PTPRN2: variants seen among roughly 807,000 people sequenced by gnomAD.
PTPRN2 encodes protein tyrosine phosphatase receptor type N2.
In PTPRN2, 74 loss-of-function variants were observed where a neutral mutation model predicts 118.8. That is an observed-to-expected ratio of 0.62 (90% CI 0.52 to 0.76). The LOEUF is 0.76. PTPRN2 is among the 30% of genes least tolerant of loss of function. The pLI, the probability that PTPRN2 is intolerant of heterozygous loss-of-function variation, is 0.00. For missense variants in PTPRN2, 1,481 were observed against 1,394.4 expected (o/e 1.06, Z -0.99); for synonymous variants, 641 against 608.0 (o/e 1.05, Z -0.80).
At chr7:157,613,340 C>T (rs758403503) in intron 15 of PTPRN2, among the ~76,000 whole-genome samples, 35 of 152,360 alleles carry the variant, frequency 2.3e-4, no homozygotes, top group Middle Eastern at 3.4e-3. Context: ...CCAACAGTTC[C>T]GGTCTCTTCC....
At position 158,330,957 on chromosome 7, in the gene PTPRN2, C is replaced by CGT. The variant is rs1563150755; in HGVS notation, c.164-14026_164-14025insAC. Among the ~76,000 whole-genome samples the CGT allele has an allele frequency of 5.6e-4, 58 of 103,784 alleles. 5 individuals are homozygous for CGT. Among genetic ancestry groups the CGT allele is most frequent in the African/African-American group, 2.2e-3 (57 of 26,482 alleles). The allele number at this position is 103,784 out of a possible 152,430, so 68.1% of individuals were successfully genotyped here. A position where few individuals can be genotyped will look rare whatever the true frequency, so the allele number is the denominator to read the frequency against. Reference sequence around the variant, plus strand: ...CACTCTCACGATAAGAGCTGTCACACGCAGACGACACTCACACCCACACTC... The same window carrying CGT: ...CACTCTCACGATAAGAGCTGTCACACGTGCAGACGACACTCACACCCACACTC... On this transcript the variant is annotated intron_variant, in intron 2 of 22. Transcript: ENST00000389418.
chr7:158,327,332 C>T (rs1039969064), intron 2 of PTPRN2, among the ~76,000 whole-genome samples: 3 of 151,256 alleles, frequency 2.0e-5, no homozygotes, highest in Admixed American at 6.6e-5. Context: ...CATGCACACA[C>T]GTGCTCACAC....
chr7:158,179,496 G>C (rs145383692), intron 5 of PTPRN2, among the ~76,000 whole-genome samples: 38 of 152,126 alleles, frequency 2.5e-4, no homozygotes, highest in African/African-American at 8.0e-4. Flanking sequence ...AGTTTAATTA[G>C]GTCCAATTTA....
At chr7:157,744,265 C>T (rs1800795338) in intron 12 of PTPRN2, among the ~76,000 whole-genome samples, 1 of 152,154 alleles carries the variant, frequency 6.6e-6, no homozygotes, top group South Asian at 2.1e-4. Flanking sequence ...CAGCTGGCCT[C>T]AACGGGGTGA....
chr7:157,916,872 C>T (rs1204050330), intron 11 of PTPRN2, among the ~76,000 whole-genome samples: 2 of 123,108 alleles, frequency 1.6e-5, no homozygotes, highest in East Asian at 5.0e-4. Flanking sequence ...ACACACATCT[C>T]CCTCCCCAGC....
intron 3 of PTPRN2, among the ~76,000 whole-genome samples, chr7:158,222,198 C>T (rs1018840636): frequency 6.6e-6 from 1 of 152,120 alleles, no homozygotes; most frequent in African/African-American, 2.4e-5. Context: ...ACAGAACTAC[C>T]ATTCGACCCA....
At chr7:157,720,846 G>C (rs1799193628) in intron 12 of PTPRN2, among the ~76,000 whole-genome samples, 1 of 152,236 alleles carries the variant, frequency 6.6e-6, no homozygotes, top group Non-Finnish European at 1.5e-5. Context: ...GCCCTGGGCA[G>C]GGGACACCGT....
chr7:157,576,194 T>C (rs903549181), intron 19 of PTPRN2, among the ~76,000 whole-genome samples: 1 of 152,188 alleles, frequency 6.6e-6, no homozygotes, highest in African/African-American at 2.4e-5. Context: ...GTCTCCGGGC[T>C]TCCCTGCAAG....
chr7:158,163,003 G>A (rs948194240), intron 6 of PTPRN2, among the ~76,000 whole-genome samples: 1 of 152,174 alleles, frequency 6.6e-6, no homozygotes, highest in African/African-American at 2.4e-5. Context: ...TCCTGCTCGG[G>A]TGCAGTTGCT....
rs751838433 is a variant in PTPRN2 at position 157,874,750 on chromosome 7, C to T, written c.1788+23923G>A. ...ACAGAGACACACTCATGCACATACACAGACACACACTCATGCACACACACA... is the reference window on the plus strand; with the variant it reads ...ACAGAGACACACTCATGCACATACATAGACACACACTCATGCACACACACA... On this transcript the variant is annotated intron_variant, in intron 12 of 22. Coordinates refer to ENST00000389418, the MANE Select transcript of PTPRN2 (RefSeq NM_002847.5). This position sits in a 1 kb window ranked among gnomAD's most constrained non-coding sequence, Gnocchi z 5.8. Among the ~76,000 whole-genome samples, 10 of 147,888 alleles carry T rather than the reference C, an allele frequency of 6.8e-5. No homozygotes were observed. Among genetic ancestry groups the T allele is most frequent in the Admixed American group, 4.0e-4 (6 of 14,898 alleles).
chr7:158,496,463 C>T (rs1487564580), intron 1 of PTPRN2, among the ~76,000 whole-genome samples: 2 of 25,524 alleles, frequency 7.8e-5, no homozygotes, highest in East Asian at 9.2e-4. Flanking sequence ...TTCCCTGAGC[C>T]GCCCTCCCCT....
intron 12 of PTPRN2, among the ~76,000 whole-genome samples, chr7:157,765,948 CCCAT>C (rs1389502235): frequency 6.8e-6 from 1 of 147,494 alleles, no homozygotes; most frequent in Admixed American, 6.7e-5. Context: ...CCACCCTTCA[CCCAT>C]CCATCCATCC....
rs1322681361 is a variant in PTPRN2 at position 157,690,314 on chromosome 7, C to A, written c.1789-7377G>T. On this transcript the variant is annotated intron_variant, in intron 12 of 22. Coordinates refer to ENST00000389418, the MANE Select transcript of PTPRN2 (RefSeq NM_002847.5). This position sits in a 1 kb window ranked among gnomAD's most constrained non-coding sequence, Gnocchi z 7.1. ...GCCCAAGCCTTTGACAGGAGTCCTG[C>A]GGCGAGGCAGAGACCCCCTGAACTG... 6.6e-6 allele frequency among the ~76,000 whole-genome samples: 1 copy of A among 152,204 alleles called. No individual in the cohort carries two copies. Among genetic ancestry groups the A allele is most frequent in the East Asian group, 1.9e-4 (1 of 5,180 alleles).
chr7:158,389,498 C>T (rs544049217), intron 2 of PTPRN2, among the ~76,000 whole-genome samples: 1 of 152,358 alleles, frequency 6.6e-6, no homozygotes, highest in African/African-American at 2.4e-5. Flanking sequence ...CTTGCACAGA[C>T]ACCAGAGTCT....
At chr7:158,058,280 GC>G (rs1190094374) in intron 11 of PTPRN2, among the ~76,000 whole-genome samples, 3 of 144,946 alleles carry the variant, frequency 2.1e-5, no homozygotes, top group Non-Finnish European at 4.5e-5. Context: ...CGCCCCATCT[GC>G]CCACGGTGAG....
chr7:157,544,734 C>G (rs1407298751), intron 22 of PTPRN2, among the ~76,000 whole-genome samples: 2 of 152,322 alleles, frequency 1.3e-5, no homozygotes, highest in South Asian at 4.1e-4. Flanking sequence ...AAGGGAAGAA[C>G]CCATCATCTA....
chr7:158,069,430 G>T (rs1294135513), intron 11 of PTPRN2, among the ~76,000 whole-genome samples: 1 of 152,174 alleles, frequency 6.6e-6, no homozygotes, highest in Non-Finnish European at 1.5e-5. Flanking sequence ...CAAACTCCTG[G>T]TAAGTGATGC....
At chr7:157,756,454 C>A (rs1313411957) in intron 12 of PTPRN2, among the ~76,000 whole-genome samples, 1 of 152,024 alleles carries the variant, frequency 6.6e-6, no homozygotes, top group Non-Finnish European at 1.5e-5. Flanking sequence ...CGTCACCACG[C>A]CCAGCTAATT....
At chr7:158,025,896 C>G (rs1178886129) in intron 11 of PTPRN2, among the ~76,000 whole-genome samples, 1 of 152,202 alleles carries the variant, frequency 6.6e-6, no homozygotes, top group Non-Finnish European at 1.5e-5. Context: ...CGTTTACGTT[C>G]TATTGTCCGG....
Sources: allele counts gnomAD v4.1 joint callset (sites outside exome capture counted in the v4.1 genomes callset), GRCh38; gene constraint gnomAD v4.1.1; non-coding constraint Gnocchi (gnomAD v3.1); transcripts MANE v1.5; gene names NCBI Gene and HGNC (gene_info 2026-07-23, HGNC 2026-07-21).